The following ZNF563 variants were observed in gnomAD, a reference collection of about 807,000 sequenced individuals.
ZNF563 encodes zinc finger protein 563.
In ZNF563, 39 loss-of-function variants were observed where a neutral mutation model predicts 48.5. That is an observed-to-expected ratio of 0.80 (90% CI 0.62 to 1.05). ZNF563 has a LOEUF of 1.05. Among genes scored for constraint, ZNF563 ranks in the 50% least tolerant of loss-of-function variants. The pLI is 0.00. For synonymous variants in ZNF563, 168 were observed against 187.9 expected (o/e 0.89, Z 0.87); for missense variants, 538 against 597.0 (o/e 0.90, Z 1.03).
At chr19:12,321,243 C>T (rs1968613633) in intron 3 of ZNF563, 29 bp downstream of exon 3, 3 of 1,489,004 alleles carry the variant, frequency 2.0e-6, no homozygotes, top group South Asian at 2.4e-5. Context: ...ACTTCAGAAA[C>T]ATAACTTTCT....
intron 1 of ZNF563, among the ~76,000 whole-genome samples, chr19:12,326,382 G>A (rs532402737): frequency 1.3e-3 from 199 of 152,272 alleles, no homozygotes; most frequent in Non-Finnish European, 2.0e-3. Flanking sequence ...GGCAGCTCAC[G>A]CCTGTAATCC....
rs760010134 is a variant in ZNF563 at position 12,318,706 on chromosome 19, A to G, written c.1319T>C (p.Met440Thr). Residue 440 changes from methionine to threonine, a missense_variant, in exon 4 of 4, where the codon ATG (methionine) becomes ACG (threonine). Coordinates refer to ENST00000293725, the MANE Select transcript of ZNF563 (RefSeq NM_145276.3). ...CGGCCCATCTCCCGTATGCATTACC[A>G]TATGTCTTCGAAAGCTTGAGCTATG... ...LSHSSSFRRH[M>T]VMHTGDGPNK... is the part of the protein sequence containing the mutation. 8 of 1,614,166 alleles carry G rather than the reference A, an allele frequency of 5.0e-6. No individual in the cohort carries two copies. The highest frequency in any genetic ancestry group is 2.2e-5 in the East Asian group (1 of 44,874).
Position 12,322,567 on chromosome 19 carries a change from A to T in ZNF563, c.130+18T>A. The T allele has an allele frequency of 6.3e-7, 1 of 1,579,014 alleles. No individual in the cohort carries two copies. The highest frequency in any genetic ancestry group is 2.3e-5 in the East Asian group (1 of 43,178). Reference sequence around the variant, plus strand: ...AATGTCTGTAATTGATTAAGTGAAGACATGGTATCATCCTTACTTATACAG... The same window carrying T: ...AATGTCTGTAATTGATTAAGTGAAGTCATGGTATCATCCTTACTTATACAG... On this transcript the variant is annotated intron_variant, in intron 2 of 3. Transcript: ENST00000293725.
chr19:12,339,616 T>C, the ZNF563 span, among the ~76,000 whole-genome samples: 1 of 151,990 alleles, frequency 6.6e-6, no homozygotes, highest in Non-Finnish European at 1.5e-5. Flanking sequence ...AGCCACTCTA[T>C]ACAGAGCCTT....
At chr19:12,330,037 C>G in intron 1 of ZNF563, among the ~76,000 whole-genome samples, 1 of 152,056 alleles carries the variant, frequency 6.6e-6, no homozygotes, top group East Asian at 1.9e-4. Flanking sequence ...TCTCCTGCCT[C>G]AGCCTCCCGA....
At chr19:12,341,327 C>T in the ZNF563 span, among the ~76,000 whole-genome samples, 1 of 152,214 alleles carries the variant, frequency 6.6e-6, no homozygotes, top group Non-Finnish European at 1.5e-5. Flanking sequence ...GCTTGGATTA[C>T]AGGCATGAGC....
chr19:12,320,198 T>C (rs551149118), intron 3 of ZNF563, among the ~76,000 whole-genome samples: 1 of 152,200 alleles, frequency 6.6e-6, no homozygotes, highest in East Asian at 1.9e-4. Flanking sequence ...ATTACAGAAG[T>C]GAGTCACTGC....
chr19:12,327,144 C>A (rs1304140540), intron 1 of ZNF563, among the ~76,000 whole-genome samples: 1 of 152,000 alleles, frequency 6.6e-6, no homozygotes, highest in African/African-American at 2.4e-5. Flanking sequence ...ATATTCTGCT[C>A]AACTAAAATC....
upstream of ZNF563, among the ~76,000 whole-genome samples, chr19:12,334,247 C>T (rs1968990151): frequency 6.6e-6 from 1 of 152,118 alleles, no homozygotes; most frequent in Non-Finnish European, 1.5e-5. Flanking sequence ...ACTGAAATCA[C>T]ACGGCAGCAA....
intron 1 of ZNF563, 76 bp from the exon 2 acceptor site, chr19:12,322,787 C>T: frequency 1.4e-6 from 2 of 1,406,262 alleles, no homozygotes; most frequent in Admixed American, 4.7e-5. Context: ...TCATAAACTT[C>T]ATATGATGCT....
At chr19:12,321,840 C>G (rs1239842388) in intron 2 of ZNF563, among the ~76,000 whole-genome samples, 1 of 152,150 alleles carries the variant, frequency 6.6e-6, no homozygotes. Flanking sequence ...ACACCAAGAT[C>G]AATCCCTCCT....
the ZNF563 span, among the ~76,000 whole-genome samples, chr19:12,340,777 CA>C: frequency 3.8e-4 from 53 of 138,348 alleles, no homozygotes; most frequent in Middle Eastern, 3.8e-3. Context: ...ACTCCATCTC[CA>C]AAAAAAAAAA....
upstream of ZNF563, among the ~76,000 whole-genome samples, chr19:12,337,328 G>A (rs550472283): frequency 5.9e-5 from 9 of 152,038 alleles, no homozygotes; most frequent in South Asian, 2.1e-4. Context: ...TCAGCCTCCC[G>A]AGAGGCTGGG....
rs1968547713 is a variant in ZNF563, at chr19:12,319,533, AGT to A, written c.490_491del (p.Thr164TrpfsTer6). 11 of 1,614,052 alleles carry A rather than the reference AGT, an allele frequency of 6.8e-6. No individual in the cohort carries two copies. Among genetic ancestry groups the A allele is most frequent in the Non-Finnish European group, 9.3e-6 (11 of 1,180,020 alleles). On this transcript the variant is annotated frameshift_variant, in exon 4 of 4. Coordinates refer to ENST00000293725, the MANE Select transcript of ZNF563 (RefSeq NM_145276.3). LOFTEE classifies it high-confidence loss of function. Reference protein sequence around the residue: ...HSFQSRGRPHTGKKRYECKEC... With the variant: ...HSFQSRGRPHXGKKRYECKEC... ...CCTTACACTCATAGCGTTTCTTTCC[AGT>A]GTGAGGCCTTCCACGCGACTGAAAG... is the stretch of plus-strand genomic sequence containing the variant.
intron 1 of ZNF563, among the ~76,000 whole-genome samples, chr19:12,332,349 T>TTC (rs1968942793): frequency 7.4e-6 from 1 of 134,290 alleles, no homozygotes; most frequent in African/African-American, 3.1e-5. Context: ...TCTTTTTTCT[T>TTC]TTTTTTTTTT....
At chr19:12,319,915 AC>A in intron 3 of ZNF563, 82 bp from the exon 4 acceptor site, 1 of 1,291,266 alleles carries the variant, frequency 7.7e-7, no homozygotes, top group Non-Finnish European at 1.0e-6. Context: ...TATTGGATGT[AC>A]TTTTTTTTTT....
chr19:12,321,021 T>C (rs1968607552), intron 3 of ZNF563, among the ~76,000 whole-genome samples: 2 of 151,822 alleles, frequency 1.3e-5, no homozygotes, highest in South Asian at 4.2e-4. Flanking sequence ...GCACGTGTAG[T>C]CCTGGCTACT....
Position 12,319,839 on chromosome 19 carries a change from A to G in ZNF563, c.192-6T>C. 1 of 1,606,624 alleles carries G rather than the reference A, an allele frequency of 6.2e-7. No homozygotes were observed. The highest frequency in any genetic ancestry group is 8.5e-7 in the Non-Finnish European group (1 of 1,175,186). On this transcript the variant is annotated splice_region_variant and splice_polypyrimidine_tract_variant and intron_variant, in intron 3 of 3. Coordinates refer to ENST00000293725, the MANE Select transcript of ZNF563 (RefSeq NM_145276.3). Reference sequence around the variant, plus strand: ...ATCTCTCTACCATATGACATCTGTAAAAAATGAGTAGTACGTTACTAAATA... The same window carrying G: ...ATCTCTCTACCATATGACATCTGTAGAAAATGAGTAGTACGTTACTAAATA...
At chr19:12,329,692 G>C (rs1178229638) in intron 1 of ZNF563, among the ~76,000 whole-genome samples, 1 of 151,970 alleles carries the variant, frequency 6.6e-6, no homozygotes. Flanking sequence ...TTTCATAGAA[G>C]ACACAGTCTA....
Sources: gnomAD v4.1 joint callset for allele counts (sites outside exome capture counted in the v4.1 genomes callset) on GRCh38, gnomAD v4.1.1 for gene constraint, MANE v1.5 for transcripts, NCBI Gene and HGNC (gene_info 2026-07-23, HGNC 2026-07-21) for gene names.